SLC1A2: variants seen among roughly 807,000 people sequenced by gnomAD.
SLC1A2 encodes the protein solute carrier family 1 member 2.
A neutral mutation model predicts 48.8 loss-of-function variants in SLC1A2; 15 were observed. That is an observed-to-expected ratio of 0.31 (90% CI 0.21 to 0.47). The LOEUF (loss-of-function observed/expected upper bound fraction) is 0.47. Among genes scored for constraint, SLC1A2 ranks in the 20% least tolerant of loss-of-function variants. The pLI, the probability that SLC1A2 is intolerant of heterozygous loss-of-function variation, is 0.99. For synonymous variants in SLC1A2, 279 were observed against 272.6 expected (o/e 1.02, Z -0.23); for missense variants, 502 against 730.5 (o/e 0.69, Z 3.61).
At chr11:35,365,900 GT>G (rs760608102) in intron 1 of SLC1A2, among the ~76,000 whole-genome samples, 9 of 152,338 alleles carry the variant, frequency 5.9e-5, no homozygotes, top group Non-Finnish European at 1.0e-4. Flanking sequence ...CTGGAGACAT[GT>G]TTGGTTGTCA....
chr11:35,300,066 C>T (rs1565224460), intron 6 of SLC1A2, among the ~76,000 whole-genome samples: 1 of 152,174 alleles, frequency 6.6e-6, no homozygotes, highest in African/African-American at 2.4e-5. Flanking sequence ...GACAGAGCTT[C>T]CACAATGAGA....
intron 1 of SLC1A2, among the ~76,000 whole-genome samples, chr11:35,327,437 A>G (rs1852284043): frequency 6.6e-6 from 1 of 152,198 alleles, no homozygotes; most frequent in Non-Finnish European, 1.5e-5. Context: ...CAGATGAGGC[A>G]AAACAGCGGG....
At chr11:35,301,490 T>C in intron 6 of SLC1A2, 29 bp downstream of exon 6, 1 of 1,610,542 alleles carries the variant, frequency 6.2e-7, no homozygotes, top group Non-Finnish European at 8.5e-7. Flanking sequence ...CTCAACCCAC[T>C]GCTAAGAAGT....
intron 1 of SLC1A2, among the ~76,000 whole-genome samples, chr11:35,333,827 A>ATTTTTTTTTTTTTT (rs373988431): frequency 2.4e-5 from 3 of 126,172 alleles, no homozygotes; most frequent in Non-Finnish European, 4.9e-5. Context: ...ATGCCAGCTA[A>ATTTTTTTTTTTTTT]TTTTTTTTTT....
At chr11:35,344,594 A>G (rs1852961418) in intron 1 of SLC1A2, among the ~76,000 whole-genome samples, 1 of 152,178 alleles carries the variant, frequency 6.6e-6, no homozygotes. Context: ...CCCCTAGTTA[A>G]GATCCTTTGT....
chr11:35,280,404 C>T (rs1850588434), intron 9 of SLC1A2: 1 of 152,612 alleles, frequency 6.6e-6, no homozygotes, highest in African/African-American at 2.4e-5. Flanking sequence ...CTCAGATGAT[C>T]CACCTGCCTC....
intron 1 of SLC1A2, among the ~76,000 whole-genome samples, chr11:35,372,009 G>A (rs577324751): frequency 7.0e-4 from 106 of 152,292 alleles, no homozygotes; most frequent in Non-Finnish European, 7.9e-4. Context: ...GAAGCCTTGG[G>A]GTCTGGCCCA....
intron 3 of SLC1A2, 52 bp from the exon 4 acceptor site, chr11:35,312,500 G>T: frequency 3.8e-6 from 6 of 1,589,766 alleles, no homozygotes; most frequent in South Asian, 3.3e-5. Context: ...TTGTGCTAAT[G>T]ACCTGTGTCT....
chr11:35,396,946 A>C lies in SLC1A2; in HGVS notation c.17+22004T>G, dbSNP rs554989192. ...ATTCACAATTGCTTCAAAGAGAATAAAATACCTAGGAATCCAACTTACAAG... is the reference window on the plus strand; with the variant it reads ...ATTCACAATTGCTTCAAAGAGAATACAATACCTAGGAATCCAACTTACAAG... On this transcript the variant is annotated intron_variant, in intron 1 of 10. Transcript: ENST00000278379. Among the ~76,000 whole-genome samples, 29 of 151,362 alleles carry C rather than the reference A, an allele frequency of 1.9e-4. 1 individual carries two copies. The South Asian group carries it at 5.6e-3, about 29-fold the overall frequency.
At chr11:35,290,839 A>G (rs1199911022) in intron 7 of SLC1A2, among the ~76,000 whole-genome samples, 1 of 152,112 alleles carries the variant, frequency 6.6e-6, no homozygotes, top group Non-Finnish European at 1.5e-5. Flanking sequence ...GAAACTGGGT[A>G]AAGAATCTAG....
intron 9 of SLC1A2, among the ~76,000 whole-genome samples, chr11:35,278,940 A>G (rs1166545089): frequency 6.6e-6 from 1 of 152,028 alleles, no homozygotes; most frequent in Non-Finnish European, 1.5e-5. Flanking sequence ...AAATGCTTGA[A>G]CCCAGGAGGC....
intron 1 of SLC1A2, among the ~76,000 whole-genome samples, chr11:35,340,894 A>G (rs981568392): frequency 1.3e-5 from 2 of 152,132 alleles, no homozygotes; most frequent in African/African-American, 4.8e-5. Context: ...CCCTGGGATT[A>G]TGGTGTGGAG....
intron 1 of SLC1A2, among the ~76,000 whole-genome samples, chr11:35,407,750 T>A (rs1430901804): frequency 6.6e-6 from 1 of 152,196 alleles, no homozygotes; most frequent in Non-Finnish European, 1.5e-5. Context: ...TCAAGTCACC[T>A]GCTCACTCTT....
chr11:35,403,569 T>C (rs1855194911), intron 1 of SLC1A2, among the ~76,000 whole-genome samples: 1 of 152,196 alleles, frequency 6.6e-6, no homozygotes, highest in African/African-American at 2.4e-5. Flanking sequence ...AGACCCCTTG[T>C]TCAAATTAAA....
chr11:35,373,353 G>A (rs374290611), intron 1 of SLC1A2, among the ~76,000 whole-genome samples: 3 of 152,136 alleles, frequency 2.0e-5, no homozygotes, highest in African/African-American at 7.2e-5. Flanking sequence ...GCCAGGTTGG[G>A]CCCCCTCATG....
chr11:35,362,306 C>T (rs986026428), intron 1 of SLC1A2, among the ~76,000 whole-genome samples: 6 of 152,206 alleles, frequency 3.9e-5, no homozygotes, highest in Admixed American at 1.3e-4. Flanking sequence ...CCATTTCAAT[C>T]CCAATCTGAA....
intron 9 of SLC1A2, among the ~76,000 whole-genome samples, chr11:35,266,921 G>A (rs951552619): frequency 6.6e-6 from 1 of 152,196 alleles, no homozygotes; most frequent in African/African-American, 2.4e-5. Flanking sequence ...AGGAAAAGTC[G>A]GGCCTGGCTC....
At chr11:35,402,577 T>C (rs927716057) in intron 1 of SLC1A2, among the ~76,000 whole-genome samples, 4 of 152,210 alleles carry the variant, frequency 2.6e-5, no homozygotes, top group African/African-American at 7.2e-5. Context: ...TAGGGAATTA[T>C]TGAACTTGAG....
Position 35,419,233 on chromosome 11 carries a change from CG to C in SLC1A2, c.-268del, listed in dbSNP as rs1855707482. 9.7e-6 allele frequency: 4 copies of C among 410,490 alleles called. No homozygotes were observed. Among genetic ancestry groups the C allele is most frequent in the Non-Finnish European group, 1.3e-5 (3 of 233,258 alleles). 25.4% of individuals were successfully genotyped at this position (410,490 alleles called of 1,614,324 possible). A position where few individuals can be genotyped will look rare whatever the true frequency, so the allele number is the denominator to read the frequency against. Reference sequence around the variant, plus strand: ...GGGGATGGCGCTTGGCGGGGAGCTCCGGGGGCTCCGAGGGTGGCTTCCCCGA... The same window carrying C: ...GGGGATGGCGCTTGGCGGGGAGCTCCGGGGCTCCGAGGGTGGCTTCCCCGA... On this transcript the variant is annotated 5_prime_UTR_variant, in exon 1 of 11. Coordinates refer to ENST00000278379, the MANE Select transcript of SLC1A2 (RefSeq NM_004171.4). This position sits in a 1 kb window ranked among gnomAD's most constrained non-coding sequence, Gnocchi z 5.4.
Sources: gnomAD v4.1 joint callset for allele counts (sites outside exome capture counted in the v4.1 genomes callset) on GRCh38, gnomAD v4.1.1 for gene constraint, Gnocchi (gnomAD v3.1) non-coding constraint, MANE v1.5 for transcripts, NCBI Gene and HGNC (gene_info 2026-07-23, HGNC 2026-07-21) for gene names.